Variants in TTC39C observed in about 807,000 individuals in gnomAD.
TTC39C encodes tetratricopeptide repeat protein 39C.
In TTC39C, 33 loss-of-function variants were observed where a neutral mutation model predicts 76.3. The ratio of observed to expected loss-of-function variants is 0.43; its 90% CI spans 0.33 to 0.58. The LOEUF is 0.58. Ranked by LOEUF, TTC39C falls within the 20% of genes least tolerant of loss-of-function variation. TTC39C has a pLI of 0.04. For missense variants in TTC39C, 595 were observed against 701.4 expected (o/e 0.85, Z 1.71); for synonymous variants, 254 against 260.6 (o/e 0.97, Z 0.24).
intron 6 of TTC39C, among the ~76,000 whole-genome samples, chr18:24,102,524 G>A (rs761229363): frequency 6.6e-6 from 1 of 152,208 alleles, no homozygotes; most frequent in Non-Finnish European, 1.5e-5. Flanking sequence ...GTGAATGGGT[G>A]GTTGCTGTGG....
intron 11 of TTC39C, among the ~76,000 whole-genome samples, chr18:24,129,502 G>A (rs778035417): frequency 5.3e-5 from 8 of 151,920 alleles, no homozygotes; most frequent in Non-Finnish European, 7.4e-5. Flanking sequence ...GGCCGGGCAC[G>A]GTGGCTCACA....
At chr18:24,128,171 G>C (rs1274835475) in intron 10 of TTC39C, among the ~76,000 whole-genome samples, 1 of 152,192 alleles carries the variant, frequency 6.6e-6, no homozygotes, top group Non-Finnish European at 1.5e-5. Flanking sequence ...AATAAATATT[G>C]AATGAATGAA....
chr18:24,014,360 C>T (rs1223680460), upstream of TTC39C: 1 of 152,928 alleles, frequency 6.5e-6, no homozygotes, highest in Non-Finnish European at 1.5e-5. Flanking sequence ...CGCGCCTTGC[C>T]CTCCTCCCGA....
chr18:24,023,945 T>TATATA (rs2083548244), intron 1 of TTC39C, among the ~76,000 whole-genome samples: 1 of 63,664 alleles, frequency 1.6e-5, no homozygotes, highest in African/African-American at 8.4e-5. Context: ...TATATATATA[T>TATATA]GCATGTATAT....
intron 1 of TTC39C, among the ~76,000 whole-genome samples, chr18:24,028,942 C>T (rs999315783): frequency 1.3e-5 from 2 of 152,090 alleles, no homozygotes; most frequent in South Asian, 2.1e-4. Flanking sequence ...AGGCTAGTCT[C>T]GAACTCCTGA....
intron 6 of TTC39C, among the ~76,000 whole-genome samples, chr18:24,095,638 G>T (rs2084578935): frequency 6.6e-6 from 1 of 152,198 alleles, no homozygotes; most frequent in South Asian, 2.1e-4. Flanking sequence ...GGCAGAGGTT[G>T]CAGTGAGCCG....
chr18:24,128,440 A>G (rs1175469439), intron 10 of TTC39C, among the ~76,000 whole-genome samples: 1 of 149,850 alleles, frequency 6.7e-6, no homozygotes, highest in African/African-American at 2.4e-5. Flanking sequence ...AAATATGTAT[A>G]TATAAAATAG....
chr18:24,008,842 A>G (rs922777347), intron 1 of TTC39C, among the ~76,000 whole-genome samples: 49 of 152,248 alleles, frequency 3.2e-4, no homozygotes, highest in African/African-American at 1.1e-3. Flanking sequence ...AATGTGGCAC[A>G]TATATACCGT....
At position 24,123,956 on chromosome 18, in the gene TTC39C, C is replaced by T. The variant is rs1165849637; in HGVS notation, c.1296+13C>T. On this transcript the variant is annotated intron_variant, in intron 9 of 13. Transcript: ENST00000317571. ...CTCGGTGAAAAAGGTATGTTGGAGC[C>T]TATTGATCTGGTGTATTACTTATGA... 6.3e-7 allele frequency: 1 copy of T among 1,577,678 alleles called. No homozygotes were observed. Among genetic ancestry groups the T allele is most frequent in the South Asian group, 1.1e-5 (1 of 88,458 alleles).
At chr18:24,086,530 C>A (rs1362076870) in intron 6 of TTC39C, among the ~76,000 whole-genome samples, 1 of 152,164 alleles carries the variant, frequency 6.6e-6, no homozygotes, top group Admixed American at 6.5e-5. Flanking sequence ...ATTGTGGTGA[C>A]TTGGCTGTTT....
intron 4 of TTC39C, among the ~76,000 whole-genome samples, chr18:24,072,388 C>G (rs114189391): frequency 3.1e-4 from 47 of 152,192 alleles, no homozygotes; most frequent in Admixed American, 2.4e-3. Context: ...CACTGCCTCC[C>G]GGGTTCAAGT....
intron 6 of TTC39C, among the ~76,000 whole-genome samples, chr18:24,095,269 G>A (rs1427849985): frequency 6.6e-6 from 1 of 152,218 alleles, no homozygotes. Context: ...CTCTGGATGA[G>A]GCTTTGGTTT....
At chr18:24,103,365 G>T (rs1191569769) in intron 6 of TTC39C, among the ~76,000 whole-genome samples, 1 of 152,188 alleles carries the variant, frequency 6.6e-6, no homozygotes, top group Non-Finnish European at 1.5e-5. Flanking sequence ...ACTGGAGGTG[G>T]TCTTATGTCA....
At chr18:23,995,924 G>A (rs2083257333) in intron 1 of TTC39C, among the ~76,000 whole-genome samples, 1 of 152,232 alleles carries the variant, frequency 6.6e-6, no homozygotes, top group Admixed American at 6.5e-5. Context: ...TCTCTGGCAT[G>A]AATGCCAGAA....
chr18:24,109,528 C>T (rs2084786691), intron 6 of TTC39C, among the ~76,000 whole-genome samples: 1 of 151,892 alleles, frequency 6.6e-6, no homozygotes, highest in Non-Finnish European at 1.5e-5. Flanking sequence ...TAAATTATGG[C>T]GATTTAAACA....
rs201226891 is a variant in TTC39C, at chr18:24,131,879, T to C, written c.1624-3T>C. 184 of 1,611,324 alleles carry C rather than the reference T, an allele frequency of 1.1e-4. No individual in the cohort carries two copies. The highest frequency in any genetic ancestry group is 2.2e-4 in the Admixed American group (13 of 59,270). On this transcript the variant is annotated splice_region_variant and splice_polypyrimidine_tract_variant and intron_variant, in intron 12 of 13. Coordinates refer to ENST00000317571, the MANE Select transcript of TTC39C (RefSeq NM_001135993.2). ...TTTATGGGATAATGTGTTTTTCTTA[T>C]AGACTGTAGGAAGAGGCAGAGCTCT...
chr18:24,097,853 G>T (rs1196946879), intron 6 of TTC39C, among the ~76,000 whole-genome samples: 1 of 151,940 alleles, frequency 6.6e-6, no homozygotes, highest in Admixed American at 6.6e-5. Flanking sequence ...CTCTGATAGG[G>T]GCTCTTTTCA....
At chr18:24,121,096 C>T (rs2145819444) in intron 8 of TTC39C, 1 of 152,258 alleles carries the variant, frequency 6.6e-6, no homozygotes, top group East Asian at 1.9e-4. Flanking sequence ...ACTATTCCTG[C>T]AACTTTTCTG....
At chr18:24,076,218 G>A (rs971940851) in intron 4 of TTC39C, among the ~76,000 whole-genome samples, 21 of 152,038 alleles carry the variant, frequency 1.4e-4, no homozygotes, top group African/African-American at 4.6e-4. Context: ...GACCTCAAGT[G>A]ATCTGCCTGC....
Sources: allele counts gnomAD v4.1 joint callset (sites outside exome capture counted in the v4.1 genomes callset), GRCh38; gene constraint gnomAD v4.1.1; transcripts MANE v1.5; gene names NCBI Gene and HGNC (gene_info 2026-07-23, HGNC 2026-07-21).